LRRFIP1: variants seen among roughly 807,000 people sequenced by gnomAD.
The protein encoded by LRRFIP1 is leucine-rich repeat flightless-interacting protein 1.
In LRRFIP1, 62 loss-of-function variants were observed where a neutral mutation model predicts 104.4. The observed-to-expected ratio is 0.59, with a 90% CI of 0.48 to 0.73. The LOEUF is 0.73. Among genes scored for constraint, LRRFIP1 ranks in the 30% least tolerant of loss-of-function variants. The probability of loss-of-function intolerance (pLI) is 0.00; values close to 1 mark genes in which losing one functional copy is unlikely to be tolerated. For synonymous variants in LRRFIP1, 300 were observed against 299.0 expected (o/e 1.00, Z -0.03); for missense variants, 796 against 824.5 (o/e 0.97, Z 0.42).
intron 1 of LRRFIP1, among the ~76,000 whole-genome samples, chr2:237,678,466 G>A (rs114675538): frequency 0.012 from 1,809 of 152,210 alleles, 27 homozygotes; most frequent in East Asian, 0.047. Flanking sequence ...GGTAAAGTGT[G>A]ACTGGGTACA....
At chr2:237,746,178 C>A (rs1415752261) in intron 11 of LRRFIP1, among the ~76,000 whole-genome samples, 1 of 151,610 alleles carries the variant, frequency 6.6e-6, no homozygotes, top group Non-Finnish European at 1.5e-5. Context: ...CCTGCCTCAA[C>A]CTCCTGAGTA....
chr2:237,779,005 C>T (rs9808294), intron 23 of LRRFIP1, among the ~76,000 whole-genome samples: 4,180 of 152,044 alleles, frequency 0.027, 188 homozygotes, highest in African/African-American at 0.095. Flanking sequence ...GGACAGATCA[C>T]GAGGTCAGGA....
intron 1 of LRRFIP1, among the ~76,000 whole-genome samples, chr2:237,688,823 G>A (rs762690695): frequency 2.0e-5 from 3 of 151,874 alleles, no homozygotes; most frequent in East Asian, 3.9e-4. Context: ...AGGTGCCCTC[G>A]GGGTTTTAGT....
chr2:237,681,117 A>G (rs1575425592), intron 1 of LRRFIP1, among the ~76,000 whole-genome samples: 1 of 152,252 alleles, frequency 6.6e-6, no homozygotes, highest in Non-Finnish European at 1.5e-5. Context: ...TTTGTAGCCC[A>G]CAGCTTCTTT....
chr2:237,639,897 T>G (rs1010793426), intron 1 of LRRFIP1, among the ~76,000 whole-genome samples: 9 of 152,198 alleles, frequency 5.9e-5, no homozygotes, highest in African/African-American at 2.2e-4. Flanking sequence ...CTCCTCGCTA[T>G]TCCCAGCTGT....
chr2:237,726,685 C>T (rs2094765248), intron 7 of LRRFIP1, among the ~76,000 whole-genome samples: 1 of 152,216 alleles, frequency 6.6e-6, no homozygotes, highest in Non-Finnish European at 1.5e-5. Flanking sequence ...ATGCCCAGGA[C>T]CTGATGGCGT....
chr2:237,632,830 T>C (rs2082582409), intron 1 of LRRFIP1, among the ~76,000 whole-genome samples: 1 of 152,014 alleles, frequency 6.6e-6, no homozygotes, highest in African/African-American at 2.4e-5. Context: ...GGGTCCCCAA[T>C]GCAGTCCCTT....
At chr2:237,648,213 C>T (rs996218092) in intron 1 of LRRFIP1, among the ~76,000 whole-genome samples, 4 of 151,834 alleles carry the variant, frequency 2.6e-5, no homozygotes, top group African/African-American at 9.7e-5. Flanking sequence ...TGAGCCCTAG[C>T]CCTTCCCCTA....
intron 1 of LRRFIP1, among the ~76,000 whole-genome samples, chr2:237,687,444 A>C (rs1013018832): frequency 1.3e-4 from 20 of 151,952 alleles, no homozygotes; most frequent in African/African-American, 4.6e-4. Flanking sequence ...ATCTCTACTA[A>C]AAATACAAAA....
At chr2:237,727,595 C>T (rs561642928) in intron 7 of LRRFIP1, among the ~76,000 whole-genome samples, 9 of 152,300 alleles carry the variant, frequency 5.9e-5, no homozygotes, top group East Asian at 3.9e-4. Flanking sequence ...TGTTCCACCC[C>T]GTGGAGGGAC....
At chr2:237,680,347 T>G (rs1575419674) in intron 1 of LRRFIP1, among the ~76,000 whole-genome samples, 1 of 152,046 alleles carries the variant, frequency 6.6e-6, no homozygotes, top group Non-Finnish European at 1.5e-5. Context: ...AAGAAAATAT[T>G]TGGAAAAAAA....
At chr2:237,746,578 G>A (rs1416038864) in intron 11 of LRRFIP1, among the ~76,000 whole-genome samples, 3 of 152,096 alleles carry the variant, frequency 2.0e-5, no homozygotes, top group African/African-American at 7.2e-5. Flanking sequence ...CTGCCTTGGT[G>A]CCTCCAAGTA....
At chr2:237,662,329 T>C (rs973099617) in intron 1 of LRRFIP1, among the ~76,000 whole-genome samples, 24 of 152,192 alleles carry the variant, frequency 1.6e-4, no homozygotes, top group Non-Finnish European at 7.3e-5. Context: ...GCAAAAAGCC[T>C]ATGTCCAAAT....
intron 16 of LRRFIP1, among the ~76,000 whole-genome samples, chr2:237,757,009 G>A (rs1056533026): frequency 6.6e-6 from 1 of 151,630 alleles, no homozygotes; most frequent in African/African-American, 2.4e-5. Context: ...CTCAGTCTTA[G>A]AAGCTGAAAA....
intron 17 of LRRFIP1, among the ~76,000 whole-genome samples, chr2:237,757,814 G>C (rs896635431): frequency 6.6e-6 from 1 of 152,048 alleles, no homozygotes; most frequent in South Asian, 2.1e-4. Flanking sequence ...CCCGTGGCTG[G>C]GCCGGGCCGG....
chr2:237,732,888 T>G (rs1320614993), intron 8 of LRRFIP1, among the ~76,000 whole-genome samples: 1 of 152,216 alleles, frequency 6.6e-6, no homozygotes, highest in African/African-American at 2.4e-5. Flanking sequence ...CGCTGTTTCC[T>G]GTTTTTACAA....
chr2:237,760,014 A>G (rs1358882140), intron 18 of LRRFIP1, 50 bp from the exon 19 acceptor site: 2 of 1,557,718 alleles, frequency 1.3e-6, no homozygotes. Context: ...AACAGAGTTT[A>G]ACCTAATATC....
At chr2:237,732,512 A>G (rs2150343029) in intron 8 of LRRFIP1, among the ~76,000 whole-genome samples, 1 of 152,356 alleles carries the variant, frequency 6.6e-6, no homozygotes, top group East Asian at 1.9e-4. Context: ...TCCTCTACAC[A>G]AAGTCACAAG....
chr2:237,726,834 C>T (rs2094771911), intron 7 of LRRFIP1, among the ~76,000 whole-genome samples: 1 of 152,134 alleles, frequency 6.6e-6, no homozygotes. Context: ...ATTTAGAAAG[C>T]CCATGCTTTG....
Sources: allele counts gnomAD v4.1 joint callset (sites outside exome capture counted in the v4.1 genomes callset), GRCh38; gene constraint gnomAD v4.1.1; transcripts MANE v1.5; gene names NCBI Gene and HGNC (gene_info 2026-07-23, HGNC 2026-07-21).